The following SORL1 variants were observed in gnomAD, a reference collection of about 807,000 sequenced individuals.
SORL1 encodes the protein sortilin related receptor 1.
A neutral mutation model predicts 273.7 loss-of-function variants in SORL1; 127 were observed. The ratio of observed to expected loss-of-function variants is 0.46; its 90% confidence interval spans 0.40 to 0.54. SORL1 has a LOEUF of 0.54. Among genes scored for constraint, SORL1 ranks in the 20% least tolerant of loss-of-function variants. The pLI is 0.00. For missense variants in SORL1, 2,494 were observed against 2,846.1 expected (o/e 0.88, Z 2.81); for synonymous variants, 1,031 against 1,067.4 (o/e 0.97, Z 0.66).
chr11:121,555,073 T>A (rs1862556853), intron 17 of SORL1, 114 bp from the exon 18 acceptor site: 3 of 1,165,118 alleles, frequency 2.6e-6, no homozygotes, highest in Non-Finnish European at 3.5e-6. Context: ...ACGTAAAACA[T>A]CTCATCCCTT....
intron 25 of SORL1, among the ~76,000 whole-genome samples, chr11:121,578,155 C>T (rs1488005497): frequency 6.6e-6 from 1 of 152,148 alleles, no homozygotes; most frequent in East Asian, 1.9e-4. Context: ...GCTCTACAGC[C>T]TCCTTGAGAA....
rs1447275828 is a variant in SORL1, at chr11:121,611,059, T to C, written c.5240-17T>C. 1 of 1,594,794 alleles carries C rather than the reference T, an allele frequency of 6.3e-7. No individual in the cohort carries two copies. Among genetic ancestry groups the C allele is most frequent in the Admixed American group, 1.7e-5 (1 of 59,816 alleles). ...TCATCACGTGGCTTCTGTTTTTGAA[T>C]TCCTTTTTGTTTTCAGTGATCCCAC... is the stretch of plus-strand genomic sequence containing the variant. On this transcript the variant is annotated splice_polypyrimidine_tract_variant and intron_variant, in intron 38 of 47. Transcript: ENST00000260197.
At chr11:121,547,296 TA>T (rs376736446) in intron 14 of SORL1, among the ~76,000 whole-genome samples, 6 of 147,288 alleles carry the variant, frequency 4.1e-5, no homozygotes, top group Middle Eastern at 3.6e-3. Context: ...TAAGACTAAG[TA>T]AAAAATAGGT....
chr11:121,608,132 G>C lies in SORL1; in HGVS notation c.5195G>C (p.Gly1732Ala), dbSNP rs777194720. The C allele has an allele frequency of 8.7e-6, 14 of 1,614,106 alleles. No individual in the cohort carries two copies. Among genetic ancestry groups the C allele is most frequent in the Non-Finnish European group, 1.1e-5 (13 of 1,179,956 alleles). The change falls in exon 38 of 48, where the codon GGA (glycine) becomes GCA (alanine). Residue 1732 changes from glycine (G) to alanine (A), a missense_variant. By Grantham distance (60) the Gly-to-Ala change is moderately conservative (BLOSUM62 0). Around this residue, in one of 3 missense-constraint regions of SORL1, gnomAD observed 1,609 missense variants for 1,816.4 expected, o/e 0.89. Coordinates refer to ENST00000260197, the MANE Select transcript of SORL1 (RefSeq NM_003105.6). ...RVAAVTSRGI[G>A]NWSDSKSITT... ...GCTGCGGTGACTAGTCGTGGAATAGGAAACTGGAGCGATTCTAAATCCATT... is the reference window on the plus strand; with the variant it reads ...GCTGCGGTGACTAGTCGTGGAATAGCAAACTGGAGCGATTCTAAATCCATT...
intron 1 of SORL1, among the ~76,000 whole-genome samples, chr11:121,463,637 C>G (rs1413756003): frequency 6.6e-6 from 1 of 152,018 alleles, no homozygotes; most frequent in Non-Finnish European, 1.5e-5. Context: ...CTCCTTGTTT[C>G]CTCATCTGGA....
At chr11:121,576,945 C>T in intron 24 of SORL1, 2 of 1,532,144 alleles carry the variant, frequency 1.3e-6, no homozygotes, top group Non-Finnish European at 8.7e-7. Flanking sequence ...TCCTCTATCA[C>T]TGCTTCCTAA....
rs11603931 is a variant in SORL1, at chr11:121,605,548, T to A, written c.4925T>A (p.Val1642Glu). 6.2e-7 allele frequency: 1 copy of A among 1,614,112 alleles called. No homozygotes were observed. The highest frequency in any genetic ancestry group is 8.5e-7 in the Non-Finnish European group (1 of 1,179,952). ...AAGGCACACAACACCAATGACTTTGTGACCCTGAGGACCCCAGAGGGATGT... is the reference window on the plus strand; with the variant it reads ...AAGGCACACAACACCAATGACTTTGAGACCCTGAGGACCCCAGAGGGATGT... ...LSKAHNTNDF[V>E]TLRTPEGLPD... The change falls in exon 35 of 48, where the codon GTG (valine) becomes GAG (glutamate). Residue 1642 changes from valine to glutamate, a missense_variant. Physicochemically the swap from Val to Glu is moderately radical, Grantham distance 121 (BLOSUM62 -2). Transcript: ENST00000260197.
intron 45 of SORL1, among the ~76,000 whole-genome samples, chr11:121,622,914 T>C (rs975412322): frequency 6.6e-6 from 1 of 152,186 alleles, no homozygotes; most frequent in Admixed American, 6.5e-5. Context: ...CTTTGCTAAA[T>C]AGGAATGTGA....
Position 121,596,933 on chromosome 11 carries a change from G to A in SORL1, c.4519+1161G>A, listed in dbSNP as rs1863304374. On this transcript the variant is annotated intron_variant, in intron 32 of 47. Transcript: ENST00000260197. The surrounding 1 kb of genome is among the most constrained non-coding windows in gnomAD (Gnocchi z 4.3). ...CATTTAGAGATGGAATAGAATCTGAGGTGGAGGTTAGTCATCTCTTAATTC... is the reference window on the plus strand; with the variant it reads ...CATTTAGAGATGGAATAGAATCTGAAGTGGAGGTTAGTCATCTCTTAATTC... Among the ~76,000 whole-genome samples, 1 of 152,142 alleles carries A rather than the reference G, an allele frequency of 6.6e-6. No homozygotes were observed. The highest frequency in any genetic ancestry group is 2.1e-4 in the South Asian group (1 of 4,826).
At chr11:121,454,222 C>A (rs889367662) in intron 1 of SORL1, among the ~76,000 whole-genome samples, 6 of 152,228 alleles carry the variant, frequency 3.9e-5, no homozygotes, top group African/African-American at 1.4e-4. Context: ...CTTCATTGGG[C>A]CTCCGCAGTC....
chr11:121,556,416 A>G (rs1216134892), intron 18 of SORL1, among the ~76,000 whole-genome samples: 1 of 152,056 alleles, frequency 6.6e-6, no homozygotes, highest in Non-Finnish European at 1.5e-5. Flanking sequence ...TGAGAAGAGG[A>G]TGATCTTTTG....
At chr11:121,597,984 G>A (rs941229272) in intron 32 of SORL1, among the ~76,000 whole-genome samples, 1 of 152,162 alleles carries the variant, frequency 6.6e-6, no homozygotes, top group African/African-American at 2.4e-5. Flanking sequence ...GGGACAGCAT[G>A]TATATTCCAA....
At chr11:121,610,603 T>A (rs1200911324) in intron 38 of SORL1, 1 of 155,844 alleles carries the variant, frequency 6.4e-6, no homozygotes, top group East Asian at 1.9e-4. Context: ...AGAACAGGAA[T>A]TCGAACTCAA....
intron 12 of SORL1, among the ~76,000 whole-genome samples, chr11:121,536,407 G>A (rs1175922069): frequency 6.6e-6 from 1 of 151,202 alleles, no homozygotes; most frequent in East Asian, 1.9e-4. Context: ...GTATAGAGAA[G>A]CAGGTGTTCT....
chr11:121,466,223 G>A (rs1011502748), intron 1 of SORL1, among the ~76,000 whole-genome samples: 5 of 152,146 alleles, frequency 3.3e-5, no homozygotes, highest in African/African-American at 1.2e-4. Context: ...CCGGGGTTGT[G>A]GTTATAGCTG....
rs1267001184 is a variant in SORL1 at position 121,596,897 on chromosome 11, C to T, written c.4519+1125C>T. ...AAACTGAGCCTCACTTGGAATCCTA[C>T]CAAGTCTTACCATTTAGAGATGGAA... On this transcript the variant is annotated intron_variant, in intron 32 of 47. Transcript: ENST00000260197. The surrounding 1 kb of genome is among the most constrained non-coding windows in gnomAD (Gnocchi z 4.3). 1.3e-5 allele frequency among the ~76,000 whole-genome samples: 2 copies of T among 152,130 alleles called. No homozygotes were observed. The highest frequency in any genetic ancestry group is 4.8e-5 in the African/African-American group (2 of 41,402).
At position 121,473,241 on chromosome 11, in the gene SORL1, T is replaced by A. The variant is rs767533026; in HGVS notation, c.402+3118T>A. Among the ~76,000 whole-genome samples, 3 of 152,204 alleles carry A rather than the reference T, an allele frequency of 2.0e-5. No homozygotes were observed. The South Asian group carries it at 6.2e-4, about 32-fold the overall frequency. ...CCAGAAGGGAAAGAACCTAAACAAA[T>A]CAGGAACTGTGTGGGTGTTGGTGAG... is the stretch of plus-strand genomic sequence containing the variant. On this transcript the variant is annotated intron_variant, in intron 2 of 47. Coordinates refer to ENST00000260197, the MANE Select transcript of SORL1 (RefSeq NM_003105.6).
At chr11:121,565,391 T>C (rs764185807) in intron 21 of SORL1, among the ~76,000 whole-genome samples, 2 of 152,236 alleles carry the variant, frequency 1.3e-5, no homozygotes, top group African/African-American at 4.8e-5. Flanking sequence ...ATTTGTAATG[T>C]AAATTAACCA....
In SORL1 at chr11:121,594,439, C is replaced by T. The variant is rs1863263308; in HGVS notation, c.4370-1184C>T. On this transcript the variant is annotated intron_variant, in intron 31 of 47. Transcript: ENST00000260197. ...CTTTTATAGTTTTGAAAATTCCCTT[C>T]CCCCACCCCCCCAATTTTCTAGGAG... Among the ~76,000 whole-genome samples, 3 of 148,322 alleles carry T rather than the reference C, an allele frequency of 2.0e-5. 1 individual carries two copies. The highest frequency in any genetic ancestry group is 4.5e-4 in the South Asian group (2 of 4,472).
Sources: allele counts gnomAD v4.1 joint callset (sites outside exome capture counted in the v4.1 genomes callset), GRCh38; gene constraint gnomAD v4.1.1; regional missense constraint gnomAD v4.1.1; non-coding constraint Gnocchi (gnomAD v3.1); transcripts MANE v1.5; gene names NCBI Gene and HGNC (gene_info 2026-07-23, HGNC 2026-07-21).